MALRD1: variants seen among roughly 807,000 people sequenced by gnomAD.
MALRD1 encodes the protein MAM and LDL-receptor class A domain-containing protein 1.
Under a neutral mutation model 242.1 loss-of-function variants are expected in MALRD1, and 247 were observed. The observed-to-expected ratio is 1.02, with a 90% CI of 0.92 to 1.13. The LOEUF (loss-of-function observed/expected upper bound fraction) is 1.13. MALRD1 is among the 50% of genes most tolerant of loss of function. The pLI is 0.00. For missense variants in MALRD1, 2,989 were observed against 2,533.1 expected (o/e 1.18, Z -3.86); for synonymous variants, 995 against 866.6 (o/e 1.15, Z -2.60).
chr10:19,419,030 C>T (rs1331072340), intron 28 of MALRD1, among the ~76,000 whole-genome samples: 1 of 152,060 alleles, frequency 6.6e-6, no homozygotes, highest in African/African-American at 2.4e-5. Flanking sequence ...TGGTGGTTTC[C>T]CATAACCACA....
At chr10:19,686,282 T>G (rs1469985011) in intron 36 of MALRD1, among the ~76,000 whole-genome samples, 1 of 152,144 alleles carries the variant, frequency 6.6e-6, no homozygotes, top group Non-Finnish European at 1.5e-5. Flanking sequence ...ACTTCCAGGG[T>G]CTTGCATCCC....
chr10:19,530,971 G>A (rs921482979), intron 31 of MALRD1, among the ~76,000 whole-genome samples: 1 of 152,142 alleles, frequency 6.6e-6, no homozygotes, highest in Non-Finnish European at 1.5e-5. Flanking sequence ...TACTTTATTA[G>A]TCACTGGCTC....
At chr10:19,649,427 A>G (rs888188253) in intron 36 of MALRD1, among the ~76,000 whole-genome samples, 3 of 152,326 alleles carry the variant, frequency 2.0e-5, no homozygotes, top group African/African-American at 4.8e-5. Flanking sequence ...AATAATAACC[A>G]TTTGGACAGG....
chr10:19,654,305 A>G (rs1313222159), intron 36 of MALRD1, among the ~76,000 whole-genome samples: 1 of 152,140 alleles, frequency 6.6e-6, no homozygotes, highest in African/African-American at 2.4e-5. Context: ...TTTTTTTAGC[A>G]TGTCTTATTA....
chr10:19,692,332 C>T lies in MALRD1; in HGVS notation c.6188C>T (p.Pro2063Leu). 2 of 1,535,388 alleles carry T rather than the reference C, an allele frequency of 1.3e-6. No homozygotes were observed. Among genetic ancestry groups the T allele is most frequent in the Non-Finnish European group, 1.7e-6 (2 of 1,146,510 alleles). ...CGATGCCATATCAAGTTTAATCCTCCTGCTACAGACTTCACATACGCTCAG... is the reference window on the plus strand; with the variant it reads ...CGATGCCATATCAAGTTTAATCCTCTTGCTACAGACTTCACATACGCTCAG... ...GNRCHIKFNP[P>L]ATDFTYAQNN... is the part of the protein sequence containing the mutation. Residue 2063 changes from proline (P) to leucine (L), a missense_variant, in exon 37 of 40, where the codon CCT (proline) becomes CTT (leucine). Coordinates refer to ENST00000454679, the MANE Select transcript of MALRD1 (RefSeq NM_001142308.3).
At chr10:19,345,300 G>A (rs1261670143) in intron 24 of MALRD1, among the ~76,000 whole-genome samples, 1 of 152,064 alleles carries the variant, frequency 6.6e-6, no homozygotes. Flanking sequence ...TTATTTTCTT[G>A]TACAAATGGC....
At chr10:19,238,546 TATAATGTATATTATATATAATATAC>T (rs1373884055) in intron 18 of MALRD1, among the ~76,000 whole-genome samples, 11 of 80,372 alleles carry the variant, frequency 1.4e-4, no homozygotes, top group African/African-American at 2.5e-4. Flanking sequence ...ATATATAATA[TATAATGTATATTATATATAATATAC>T]ATAATGTATA....
At chr10:19,592,120 T>G (rs1467062811) in intron 33 of MALRD1, among the ~76,000 whole-genome samples, 1 of 152,164 alleles carries the variant, frequency 6.6e-6, no homozygotes, top group Non-Finnish European at 1.5e-5. Context: ...TTAAACTAGA[T>G]TCATTTTTAT....
chr10:19,672,192 A>G (rs1841951641), intron 36 of MALRD1, among the ~76,000 whole-genome samples: 1 of 152,004 alleles, frequency 6.6e-6, no homozygotes, highest in Non-Finnish European at 1.5e-5. Flanking sequence ...ATTTTGTCCA[A>G]GGGTGTGAAG....
In MALRD1 at chr10:19,692,356, A is replaced by G. The variant is rs1458125388; in HGVS notation, c.6212A>G (p.Gln2071Arg). The change falls in exon 37 of 40, where the codon CAG becomes CGG. Residue 2071 changes from glutamine (Q) to arginine (R), a missense_variant. Physicochemically the swap from Gln to Arg is conservative, Grantham distance 43 (BLOSUM62 1). Transcript: ENST00000454679. Reference protein sequence around the residue: ...NPPATDFTYAQNNTWTLLGIG... With the variant: ...NPPATDFTYARNNTWTLLGIG... ...CCTGCTACAGACTTCACATACGCTC[A>G]GAATAGTAGGTGACATTATGACTAA... The G allele has an allele frequency of 1.2e-5, 19 of 1,534,812 alleles. No homozygotes were observed. Among genetic ancestry groups the G allele is most frequent in the Non-Finnish European group, 1.6e-5 (18 of 1,146,056 alleles).
At chr10:19,116,900 A>G (rs1404241178) in intron 5 of MALRD1, among the ~76,000 whole-genome samples, 3 of 151,940 alleles carry the variant, frequency 2.0e-5, no homozygotes, top group Non-Finnish European at 4.4e-5. Context: ...ACCAGCCTCA[A>G]CCTGGCCAAC....
chr10:19,414,496 A>G (rs7068177), intron 28 of MALRD1, among the ~76,000 whole-genome samples: 12,188 of 152,252 alleles, frequency 0.08, 1,000 homozygotes, highest in African/African-American at 0.21. Flanking sequence ...TTTGGAGAAG[A>G]AAATGATGAA....
chr10:19,644,144 A>G (rs1235729206), intron 36 of MALRD1, among the ~76,000 whole-genome samples: 1 of 152,174 alleles, frequency 6.6e-6, no homozygotes. Context: ...GACTCTCCTT[A>G]AAAACCCAAC....
At chr10:19,733,605 T>C (rs1183810220) in intron 39 of MALRD1, among the ~76,000 whole-genome samples, 2 of 151,452 alleles carry the variant, frequency 1.3e-5, no homozygotes, top group Non-Finnish European at 2.9e-5. Flanking sequence ...GGCTCTTAAA[T>C]CTCTTTTCAT....
chr10:19,352,216 C>T lies in MALRD1; in HGVS notation c.4360C>T (p.Leu1454Phe). ...GAAAGGTCAGCGTGGAGACATTGCA[C>T]TTGATGACATTGTGCTTACAGAAAA... is the stretch of plus-strand genomic sequence containing the variant. The part of the protein sequence containing the change: ...VGKGQRGDIA[L>F]DDIVLTENCL... The change falls in exon 26 of 40, where the codon CTT (leucine) becomes TTT (phenylalanine). Residue 1454 changes from leucine (L) to phenylalanine (F), a missense_variant. Physicochemically the swap from Leu to Phe is conservative, Grantham distance 22 (BLOSUM62 0). Coordinates refer to ENST00000454679, the MANE Select transcript of MALRD1 (RefSeq NM_001142308.3). 1 of 1,550,444 alleles carries T rather than the reference C, an allele frequency of 6.4e-7. No individual in the cohort carries two copies. Among genetic ancestry groups the T allele is most frequent in the Non-Finnish European group, 8.7e-7 (1 of 1,146,896 alleles).
intron 33 of MALRD1, among the ~76,000 whole-genome samples, chr10:19,588,113 T>C (rs568953114): frequency 1.1e-4 from 17 of 152,258 alleles, no homozygotes; most frequent in African/African-American, 3.6e-4. Context: ...CAGAGTTCTT[T>C]ACTTAATTAT....
intron 29 of MALRD1, among the ~76,000 whole-genome samples, chr10:19,466,985 G>T (rs540829647): frequency 6.6e-6 from 1 of 151,938 alleles, no homozygotes; most frequent in African/African-American, 2.4e-5. Flanking sequence ...TTCATGCCTG[G>T]CGTCTGTCTC....
intron 21 of MALRD1, among the ~76,000 whole-genome samples, chr10:19,284,459 A>T (rs1448371885): frequency 7.7e-6 from 1 of 130,682 alleles, no homozygotes; most frequent in Non-Finnish European, 1.6e-5. Flanking sequence ...TGTCCATGTG[A>T]TCTCATTGTT....
chr10:19,526,395 A>G (rs575840935), intron 31 of MALRD1, among the ~76,000 whole-genome samples: 2 of 148,580 alleles, frequency 1.3e-5, no homozygotes, highest in African/African-American at 5.1e-5. Flanking sequence ...TGTCATCACA[A>G]AAGTTCATCC....
Sources: gnomAD v4.1 joint callset for allele counts (sites outside exome capture counted in the v4.1 genomes callset) on GRCh38, gnomAD v4.1.1 for gene constraint, MANE v1.5 for transcripts, NCBI Gene and HGNC (gene_info 2026-07-23, HGNC 2026-07-21) for gene names.